The following MRAP2 variants were observed in gnomAD, a reference collection of about 807,000 sequenced individuals.
MRAP2 encodes the protein melanocortin 2 receptor accessory protein 2, also known as melanocortin-2 receptor accessory protein 2.
MRAP2 carries 20 observed loss-of-function variants against 17.4 expected under a neutral mutation model. That is an observed-to-expected ratio of 1.15 (90% CI 0.81 to 1.67). The LOEUF (loss-of-function observed/expected upper bound fraction) is 1.67, where lower values mean the gene tolerates loss of function less well. Among genes scored for constraint, MRAP2 ranks in the 40% most tolerant of loss-of-function variants. MRAP2 has a pLI of 0.00. For missense variants in MRAP2, 238 were observed against 240.0 expected (o/e 0.99, Z 0.05); for synonymous variants, 96 against 88.4 (o/e 1.09, Z -0.48).
intron 3 of MRAP2, among the ~76,000 whole-genome samples, chr6:84,072,425 A>T (rs889662200): frequency 6.6e-6 from 1 of 152,152 alleles, no homozygotes; most frequent in Admixed American, 6.5e-5. Context: ...TGTGACGAGA[A>T]TCGTTTATGG....
chr6:84,145,772 G>A, the MRAP2 span, among the ~76,000 whole-genome samples: 13 of 151,958 alleles, frequency 8.6e-5, no homozygotes, highest in Admixed American at 1.3e-4. Context: ...GCTAATATAC[G>A]GACAATTTTC....
the MRAP2 span, among the ~76,000 whole-genome samples, chr6:84,097,344 T>C: frequency 2.0e-5 from 3 of 152,216 alleles, no homozygotes; most frequent in South Asian, 2.1e-4. Flanking sequence ...AAGCTTACGA[T>C]TGTGGCTTTA....
chr6:84,133,990 A>G, the MRAP2 span, among the ~76,000 whole-genome samples: 5 of 152,022 alleles, frequency 3.3e-5, no homozygotes, highest in Non-Finnish European at 1.5e-5. Flanking sequence ...GCCATCTTGC[A>G]TTTCAGATGG....
chr6:84,069,384 G>A (rs2497146), intron 3 of MRAP2, among the ~76,000 whole-genome samples: 2 of 151,954 alleles, frequency 1.3e-5, no homozygotes, highest in African/African-American at 4.8e-5. Context: ...TGTTAATGTG[G>A]TGTATCACAT....
intron 1 of MRAP2, among the ~76,000 whole-genome samples, chr6:84,051,874 G>A (rs1278165035): frequency 6.6e-6 from 1 of 152,124 alleles, no homozygotes; most frequent in African/African-American, 2.4e-5. Flanking sequence ...AGGTGTCTGG[G>A]CCTGCTCACC....
chr6:84,073,161 C>T (rs1281038998), intron 3 of MRAP2, among the ~76,000 whole-genome samples: 1 of 152,204 alleles, frequency 6.6e-6, no homozygotes, highest in Non-Finnish European at 1.5e-5. Context: ...TGTTTCTCCC[C>T]CTGATCCCCT....
chr6:84,143,973 CT>C, the MRAP2 span, among the ~76,000 whole-genome samples: 3 of 151,812 alleles, frequency 2.0e-5, no homozygotes, highest in Admixed American at 6.6e-5. Flanking sequence ...CTGTATTTGC[CT>C]TTAGAATCTT....
At chr6:84,041,767 A>T (rs530431082) in intron 1 of MRAP2, among the ~76,000 whole-genome samples, 1 of 152,226 alleles carries the variant, frequency 6.6e-6, no homozygotes, top group African/African-American at 2.4e-5. Flanking sequence ...TATTTACCCA[A>T]TGCCTGTACC....
intron 3 of MRAP2, among the ~76,000 whole-genome samples, chr6:84,064,188 G>A (rs1461008128): frequency 6.6e-6 from 1 of 151,458 alleles, no homozygotes; most frequent in African/African-American, 2.4e-5. Flanking sequence ...GGAAGCAAGG[G>A]GTGGGGCCAC....
intron 3 of MRAP2, among the ~76,000 whole-genome samples, chr6:84,072,611 A>G (rs2099496473): frequency 6.6e-6 from 1 of 152,220 alleles, no homozygotes. Flanking sequence ...GGGGAGGAAC[A>G]GGTGGTGGGC....
intron 3 of MRAP2, among the ~76,000 whole-genome samples, chr6:84,080,195 G>T (rs776307584): frequency 6.6e-6 from 1 of 151,576 alleles, no homozygotes; most frequent in Non-Finnish European, 1.5e-5. Context: ...CACCACACCC[G>T]GCTAATTATT....
intron 1 of MRAP2, among the ~76,000 whole-genome samples, chr6:84,049,800 G>A (rs1374733003): frequency 6.6e-6 from 1 of 152,088 alleles, no homozygotes; most frequent in Admixed American, 6.6e-5. Context: ...GAGAAGGGGG[G>A]ATAGGCAGGA....
At position 84,055,631 on chromosome 6, in the gene MRAP2, C is replaced by T. The variant is rs540549173; in HGVS notation, c.127+186C>T. 8.3e-4 allele frequency among the ~76,000 whole-genome samples: 127 copies of T among 152,104 alleles called. 1 individual carries two copies. Among genetic ancestry groups the T allele is most frequent in the Non-Finnish European group, 4.9e-4 (33 of 68,030 alleles). ...ATTGCTCAGGAATGGTACAGGAGGGCCTTGGTGATTCTAATTGATGAAAGA... is the reference window on the plus strand; with the variant it reads ...ATTGCTCAGGAATGGTACAGGAGGGTCTTGGTGATTCTAATTGATGAAAGA... On this transcript the variant is annotated intron_variant, in intron 2 of 3. Transcript: ENST00000257776.
the MRAP2 span, among the ~76,000 whole-genome samples, chr6:84,105,045 T>A: frequency 1.3e-5 from 2 of 152,156 alleles, no homozygotes; most frequent in Admixed American, 1.3e-4. Context: ...CAGCCTGGAT[T>A]TCATTGTCCA....
intron 1 of MRAP2, among the ~76,000 whole-genome samples, chr6:84,037,533 C>T (rs532167123): frequency 0.012 from 1,849 of 152,178 alleles, 42 homozygotes; most frequent in African/African-American, 0.042. Context: ...CAGGGGGCGG[C>T]GCCCGTTGGG....
chr6:84,132,575 C>T, the MRAP2 span, among the ~76,000 whole-genome samples: 1 of 152,150 alleles, frequency 6.6e-6, no homozygotes, highest in Non-Finnish European at 1.5e-5. Flanking sequence ...CTTCTCTTCT[C>T]ACTTCATTTC....
At chr6:84,120,987 T>G in the MRAP2 span, among the ~76,000 whole-genome samples, 3 of 152,150 alleles carry the variant, frequency 2.0e-5, no homozygotes, top group East Asian at 3.8e-4. Context: ...TATGACAAAA[T>G]GCAAAAACTC....
At chr6:84,117,642 G>GGT in the MRAP2 span, among the ~76,000 whole-genome samples, 118 of 140,964 alleles carry the variant, frequency 8.4e-4, no homozygotes, top group African/African-American at 3.2e-3. Context: ...TTGGATGTGG[G>GGT]GTGTGTGTCT....
intron 3 of MRAP2, among the ~76,000 whole-genome samples, chr6:84,072,364 G>A (rs1322525721): frequency 6.6e-6 from 1 of 152,206 alleles, no homozygotes; most frequent in African/African-American, 2.4e-5. Context: ...TAGCCACCCA[G>A]CAAGTCTACC....
Sources: allele counts gnomAD v4.1 joint callset (sites outside exome capture counted in the v4.1 genomes callset), GRCh38; gene constraint gnomAD v4.1.1; transcripts MANE v1.5; gene names NCBI Gene and HGNC (gene_info 2026-07-23, HGNC 2026-07-21).